ELOVL6: variants seen among roughly 807,000 people sequenced by gnomAD.
The protein encoded by ELOVL6 is ELOVL fatty acid elongase 6, also known as very long chain fatty acid elongase 6.
ELOVL6 carries 8 observed loss-of-function variants against 31.7 expected under a neutral mutation model. That is an observed-to-expected ratio of 0.25 (90% CI 0.15 to 0.45). The LOEUF (loss-of-function observed/expected upper bound fraction) is 0.45, where lower values mean the gene tolerates loss of function less well. Ranked by LOEUF, ELOVL6 falls within the 20% of genes least tolerant of loss-of-function variation. ELOVL6 has a pLI of 1.00. For missense variants in ELOVL6, 126 were observed against 326.4 expected (o/e 0.39, Z 4.73); for synonymous variants, 101 against 117.7 (o/e 0.86, Z 0.92).
chr4:110,100,230 G>A (rs977342293), intron 2 of ELOVL6, among the ~76,000 whole-genome samples: 2 of 152,118 alleles, frequency 1.3e-5, no homozygotes, highest in Non-Finnish European at 2.9e-5. Flanking sequence ...GATTTTCAGG[G>A]AAACCCAGAG....
rs1756862899 is a variant in ELOVL6 at position 110,105,483 on chromosome 4, T to C, written c.221+14A>G. 2 of 1,585,270 alleles carry C rather than the reference T, an allele frequency of 1.3e-6. No homozygotes were observed. The highest frequency in any genetic ancestry group is 2.7e-5 in the African/African-American group (2 of 72,986). On this transcript the variant is annotated intron_variant, in intron 2 of 3. Coordinates refer to ENST00000302274, the MANE Select transcript of ELOVL6 (RefSeq NM_024090.3). Reference sequence around the variant, plus strand: ...AAATGGATACGTTTTATTAGAAAAATGAAAAAAACCTACCTGAAGACTGCA... The same window carrying C: ...AAATGGATACGTTTTATTAGAAAAACGAAAAAAACCTACCTGAAGACTGCA...
At chr4:110,084,227 T>TATATATAACATATAACATATG (rs1553956039) in intron 2 of ELOVL6, among the ~76,000 whole-genome samples, 17 of 100,058 alleles carry the variant, frequency 1.7e-4, no homozygotes, top group African/African-American at 7.9e-4. Context: ...ACTTATATGA[T>TATATATAACATATAACATATG]ATATATAACA....
At chr4:110,181,919 T>G (rs1235728068) in intron 1 of ELOVL6, among the ~76,000 whole-genome samples, 1 of 152,202 alleles carries the variant, frequency 6.6e-6, no homozygotes, top group South Asian at 2.1e-4. Flanking sequence ...TATCAAAATC[T>G]TTCTAGCTCC....
chr4:110,186,883 A>G (rs1366643490), intron 1 of ELOVL6, among the ~76,000 whole-genome samples: 4 of 144,692 alleles, frequency 2.8e-5, no homozygotes, highest in African/African-American at 1.0e-4. Context: ...ATATATACAC[A>G]TATATATATA....
At chr4:110,062,048 T>A (rs77456440) in intron 2 of ELOVL6, among the ~76,000 whole-genome samples, 1 of 152,110 alleles carries the variant, frequency 6.6e-6, no homozygotes, top group East Asian at 1.9e-4. Context: ...TTTTAGATGA[T>A]GGAGTGAAAA....
At chr4:110,052,037 C>T (rs988171875) in intron 3 of ELOVL6, among the ~76,000 whole-genome samples, 29 of 152,214 alleles carry the variant, frequency 1.9e-4, no homozygotes, top group African/African-American at 7.0e-4. Context: ...GCTCTCTTCA[C>T]ACACAGGAGG....
At chr4:110,082,843 A>G (rs969411246) in intron 2 of ELOVL6, among the ~76,000 whole-genome samples, 11 of 152,354 alleles carry the variant, frequency 7.2e-5, no homozygotes, top group South Asian at 6.2e-4. Context: ...ATGATAGGCC[A>G]TGTGTGTTTT....
intron 2 of ELOVL6, among the ~76,000 whole-genome samples, chr4:110,084,344 G>GATATATATCGCATATATGATATATATCGC (rs1391288676): frequency 1.7e-4 from 15 of 88,438 alleles, no homozygotes; most frequent in East Asian, 8.9e-4. Flanking sequence ...TCACATATAT[G>GATATATATCGCATATATGATATATATCGC]ATATATGATA....
chr4:110,071,412 G>A (rs1755476871), intron 2 of ELOVL6, among the ~76,000 whole-genome samples: 2 of 152,192 alleles, frequency 1.3e-5, no homozygotes, highest in African/African-American at 4.8e-5. Context: ...TCACTGAAAA[G>A]AGCTTTGTTT....
In ELOVL6 at chr4:110,083,477, G is replaced by A. The variant is rs1400439789; in HGVS notation, c.221+22020C>T. ...GAGGCTGGCGGTGATGGGGACTAAA[G>A]AGAGACATGGTTTAACAGGTGGGCA... On this transcript the variant is annotated intron_variant, in intron 2 of 3. Transcript: ENST00000302274. 3.3e-5 allele frequency among the ~76,000 whole-genome samples: 5 copies of A among 151,634 alleles called. 1 individual carries two copies. Among genetic ancestry groups the A allele is most frequent in the African/African-American group, 9.8e-5 (4 of 40,936 alleles).
intron 2 of ELOVL6, among the ~76,000 whole-genome samples, chr4:110,079,039 A>C (rs1755747600): frequency 6.6e-6 from 1 of 152,138 alleles, no homozygotes; most frequent in Non-Finnish European, 1.5e-5. Context: ...AGAAGAGATA[A>C]CTATCCTAAA....
chr4:110,126,069 G>A (rs942177453), intron 1 of ELOVL6, among the ~76,000 whole-genome samples: 3 of 151,860 alleles, frequency 2.0e-5, no homozygotes, highest in African/African-American at 7.3e-5. Flanking sequence ...TGTGAGACAG[G>A]ATCTCACTCT....
At chr4:110,181,227 G>A (rs1034262383) in intron 1 of ELOVL6, among the ~76,000 whole-genome samples, 4 of 152,098 alleles carry the variant, frequency 2.6e-5, no homozygotes, top group Admixed American at 2.0e-4. Context: ...CGGGTGGATT[G>A]CTCGACTCCA....
At chr4:110,140,426 C>T (rs1053802312) in intron 1 of ELOVL6, among the ~76,000 whole-genome samples, 2 of 151,702 alleles carry the variant, frequency 1.3e-5, no homozygotes, top group African/African-American at 4.8e-5. Flanking sequence ...TTTTTGTTAT[C>T]ATTATTATTA....
At chr4:110,144,372 G>A (rs1017210051) in intron 1 of ELOVL6, among the ~76,000 whole-genome samples, 2 of 152,262 alleles carry the variant, frequency 1.3e-5, no homozygotes, top group African/African-American at 2.4e-5. Flanking sequence ...ACTATAAATC[G>A]ATAAACGACC....
In ELOVL6 at chr4:110,115,709, A is replaced by T. The variant is rs138837030; in HGVS notation, c.90-10081T>A. Among the ~76,000 whole-genome samples the T allele has an allele frequency of 1.6e-3, 245 of 152,362 alleles. 4 individuals carry two copies. In the East Asian group the frequency reaches 0.034, roughly 21 times the overall value. On this transcript the variant is annotated intron_variant, in intron 1 of 3. Coordinates refer to ENST00000302274, the MANE Select transcript of ELOVL6 (RefSeq NM_024090.3). ...AAAGTTTGCAGACAATAGCTTTGAG[A>T]ACTCCGATAATGGGGACAGCTACAA... is the stretch of plus-strand genomic sequence containing the variant.
At chr4:110,132,554 C>T (rs894311873) in intron 1 of ELOVL6, among the ~76,000 whole-genome samples, 3 of 151,844 alleles carry the variant, frequency 2.0e-5, no homozygotes, top group Admixed American at 1.3e-4. Context: ...AGGCTAGGTG[C>T]GTTGGCTCAT....
At chr4:110,185,752 T>C (rs545295593) in intron 1 of ELOVL6, among the ~76,000 whole-genome samples, 1 of 152,094 alleles carries the variant, frequency 6.6e-6, no homozygotes, top group African/African-American at 2.4e-5. Flanking sequence ...TTCAGGTCAA[T>C]ATGTAGAAGA....
At chr4:110,114,193 C>T (rs1053852114) in intron 1 of ELOVL6, among the ~76,000 whole-genome samples, 11 of 152,156 alleles carry the variant, frequency 7.2e-5, no homozygotes, top group Non-Finnish European at 1.6e-4. Context: ...TGTCACCAAG[C>T]TAAACTTTAT....
Sources: gnomAD v4.1 joint callset for allele counts (sites outside exome capture counted in the v4.1 genomes callset) on GRCh38, gnomAD v4.1.1 for gene constraint, MANE v1.5 for transcripts, NCBI Gene and HGNC (gene_info 2026-07-23, HGNC 2026-07-21) for gene names.